The following PDZD2 variants were observed in gnomAD, a reference collection of about 807,000 sequenced individuals.
PDZD2 encodes the protein PDZ domain containing 2.
PDZD2 carries 90 observed loss-of-function variants against 220.7 expected under a neutral mutation model. That is an observed-to-expected ratio of 0.41 (90% confidence interval 0.34 to 0.49). PDZD2 has a LOEUF of 0.49. Among genes scored for constraint, PDZD2 ranks in the 20% least tolerant of loss-of-function variants. The pLI, the probability that PDZD2 is intolerant of heterozygous loss-of-function variation, is 0.28. For missense variants in PDZD2, 3,174 were observed against 3,608.5 expected, an observed-to-expected ratio of 0.88 and a Z score of 3.08; for synonymous variants, 1,375 against 1,450.5, an observed-to-expected ratio of 0.95 and a Z score of 1.18.
intron 1 of PDZD2, among the ~76,000 whole-genome samples, chr5:31,742,818 G>T (rs1750350450): frequency 6.6e-6 from 1 of 152,108 alleles, no homozygotes; most frequent in African/African-American, 2.4e-5. Context: ...GGTACACAAA[G>T]GGCTTTGATC....
intron 2 of PDZD2, among the ~76,000 whole-genome samples, chr5:31,883,532 T>A (rs2150339212): frequency 6.6e-6 from 1 of 152,208 alleles, no homozygotes; most frequent in Non-Finnish European, 1.5e-5. Context: ...GCATGCTACT[T>A]TTTCTTTGAA....
Position 32,108,091 on chromosome 5 carries a change from G to A in PDZD2, c.8476G>A (p.Gly2826Arg), listed in dbSNP as rs1041125802. Residue 2826 changes from glycine (G) to arginine (R), a missense_variant, in exon 25 of 25, where the codon GGA (glycine) becomes AGA (arginine). Physicochemically the swap from Gly to Arg is moderately radical, Grantham distance 125 (BLOSUM62 -2). Around this residue, in one of 4 missense-constraint regions of PDZD2, gnomAD observed 631 missense variants for 789.9 expected, o/e 0.80. Coordinates refer to ENST00000438447, the MANE Select transcript of PDZD2 (RefSeq NM_178140.4). ...AWNIMKSVPE[G>R]PVQLLIRKHR... ...GAATATTATGAAGTCTGTCCCAGAA[G>A]GACCTGTGCAGTTATTAATTAGAAA... is the stretch of plus-strand genomic sequence containing the variant. The A allele has an allele frequency of 6.2e-7, 1 of 1,611,140 alleles. No individual in the cohort carries two copies. The highest frequency in any genetic ancestry group is 8.5e-7 in the Non-Finnish European group (1 of 1,177,650).
chr5:32,056,105 G>C (rs1382356850), intron 10 of PDZD2, among the ~76,000 whole-genome samples: 3 of 152,220 alleles, frequency 2.0e-5, no homozygotes, highest in Non-Finnish European at 4.4e-5. Context: ...TACATTTTAA[G>C]AGTGCGAGTA....
chr5:31,993,513 G>A (rs866044728), intron 3 of PDZD2, among the ~76,000 whole-genome samples: 1 of 152,226 alleles, frequency 6.6e-6, no homozygotes, highest in Middle Eastern at 3.4e-3. Context: ...TTCAGTTTCT[G>A]ACTGTGTATT....
At chr5:31,664,322 G>A (rs772201832) in intron 1 of PDZD2, among the ~76,000 whole-genome samples, 5 of 151,936 alleles carry the variant, frequency 3.3e-5, no homozygotes, top group African/African-American at 7.3e-5. Context: ...AAGTTTTAAC[G>A]GCTTAACATA....
chr5:31,960,541 T>C (rs72759616), intron 2 of PDZD2, among the ~76,000 whole-genome samples: 1 of 152,030 alleles, frequency 6.6e-6, no homozygotes, highest in African/African-American at 2.4e-5. Context: ...CCATTTCCAG[T>C]TGGAGGCAGA....
chr5:32,002,972 ACACACAC>A (rs1314052067), intron 5 of PDZD2, among the ~76,000 whole-genome samples: 1 of 110,768 alleles, frequency 9.0e-6, no homozygotes, highest in East Asian at 3.0e-4. Flanking sequence ...ACACCAACAC[ACACACAC>A]CACACACACC....
chr5:31,917,049 A>G (rs1427289646), intron 2 of PDZD2, among the ~76,000 whole-genome samples: 2 of 152,196 alleles, frequency 1.3e-5, no homozygotes, highest in Non-Finnish European at 2.9e-5. Flanking sequence ...GGGACACAGT[A>G]TCTTGCCACA....
chr5:31,840,710 T>G (rs955449689), intron 2 of PDZD2: 4 of 769,982 alleles, frequency 5.2e-6, no homozygotes, highest in Non-Finnish European at 9.4e-6. Context: ...GCACATTAAT[T>G]CTCTTGGCAA....
At chr5:31,799,868 T>C (rs574053407) in intron 2 of PDZD2, 144 bp downstream of exon 2, 215 of 639,270 alleles carry the variant, frequency 3.4e-4, no homozygotes, top group Middle Eastern at 1.2e-3. Flanking sequence ...CCTCATCCAT[T>C]CAACGCAGCA....
rs566443954 is a variant in PDZD2 at position 31,771,597 on chromosome 5, G to A, written c.-360-27292G>A. On this transcript the variant is annotated intron_variant, in intron 1 of 24. Coordinates refer to ENST00000438447, the MANE Select transcript of PDZD2 (RefSeq NM_178140.4). ...ACAGGAGGTCTAACTCAAAAAGGAG[G>A]CCAGTGTAGGTACTGAAGCCCAGAC... 3.9e-5 allele frequency among the ~76,000 whole-genome samples: 6 copies of A among 152,298 alleles called. No individual in the cohort carries two copies. In the East Asian group the frequency reaches 7.7e-4, roughly 20 times the overall value.
intron 5 of PDZD2, among the ~76,000 whole-genome samples, chr5:32,002,030 T>C (rs1247809155): frequency 6.6e-6 from 1 of 152,212 alleles, no homozygotes; most frequent in East Asian, 1.9e-4. Flanking sequence ...TGTTGTTATT[T>C]CAAACCTGGC....
intron 2 of PDZD2, chr5:31,848,076 C>A: frequency 2.9e-6 from 1 of 341,956 alleles, no homozygotes; most frequent in South Asian, 3.2e-5. Context: ...CCCAAAATGT[C>A]CCTTGCCCAG....
At chr5:31,855,076 T>A (rs1260729718) in intron 2 of PDZD2, 1 of 985,306 alleles carries the variant, frequency 1.0e-6, no homozygotes. Flanking sequence ...GAGACCGGCC[T>A]GGCGAGCGGA....
At position 31,722,694 on chromosome 5, in the gene PDZD2, G is replaced by GT. The variant is rs1326418281; in HGVS notation, c.-360-76193dup. ...ACAGTTTTTTGTGGGTTGTTTTTTT[G>GT]TTGTTTTTTTTTTGAGACAGAATCT... On this transcript the variant is annotated intron_variant, in intron 1 of 24. Coordinates refer to ENST00000438447, the MANE Select transcript of PDZD2 (RefSeq NM_178140.4). Among the ~76,000 whole-genome samples, 990 of 137,570 alleles carry GT rather than the reference G, an allele frequency of 7.2e-3. 10 individuals carry two copies. The highest frequency in any genetic ancestry group is 0.03 in the Middle Eastern group (8 of 268). The allele number at this position is 137,570 out of a possible 152,430, so 90.3% of individuals were successfully genotyped here.
chr5:31,964,346 T>TTAA (rs1748525918), intron 2 of PDZD2, among the ~76,000 whole-genome samples: 1 of 152,190 alleles, frequency 6.6e-6, no homozygotes. Context: ...ATCTCTGAAG[T>TTAA]TATATGGCTT....
chr5:31,822,972 G>C (rs1755976685), intron 2 of PDZD2: 1 of 1,134,506 alleles, frequency 8.8e-7, no homozygotes, highest in African/African-American at 1.6e-5. Context: ...TGTCAACCCG[G>C]GGCCTCTTTT....
intron 2 of PDZD2, among the ~76,000 whole-genome samples, chr5:31,877,505 C>T (rs914438402): frequency 6.6e-6 from 1 of 152,074 alleles, no homozygotes; most frequent in Non-Finnish European, 1.5e-5. Context: ...AGGCATGAGA[C>T]ACCATGCCTG....
chr5:31,878,082 A>G (rs955804946), intron 2 of PDZD2, among the ~76,000 whole-genome samples: 7 of 152,142 alleles, frequency 4.6e-5, no homozygotes, highest in African/African-American at 1.7e-4. Context: ...CAGAGATTTG[A>G]AGTGGTTTGC....
Sources: gnomAD v4.1 joint callset for allele counts (sites outside exome capture counted in the v4.1 genomes callset) on GRCh38, gnomAD v4.1.1 for gene constraint, gnomAD v4.1.1 regional missense constraint, MANE v1.5 for transcripts, NCBI Gene and HGNC (gene_info 2026-07-23, HGNC 2026-07-21) for gene names.